RAPGEF5: variants seen among roughly 807,000 people sequenced by gnomAD.
RAPGEF5 encodes the protein Rap guanine nucleotide exchange factor 5.
In RAPGEF5, 65 loss-of-function variants were observed where a neutral mutation model predicts 125.2. The observed-to-expected ratio is 0.52, with a 90% confidence interval of 0.43 to 0.64. RAPGEF5 has a LOEUF of 0.64. RAPGEF5 is among the 30% of genes least tolerant of loss of function. The pLI is 0.00. For synonymous variants in RAPGEF5, 391 were observed against 385.9 expected, an observed-to-expected ratio of 1.01 and a Z score of -0.16; for missense variants, 958 against 1,048.1, an observed-to-expected ratio of 0.91 and a Z score of 1.19.
At chr7:22,293,860 C>T (rs548390086) in intron 5 of RAPGEF5, among the ~76,000 whole-genome samples, 20 of 152,280 alleles carry the variant, frequency 1.3e-4, no homozygotes, top group East Asian at 7.7e-4. Context: ...TCACTTTTTA[C>T]CTTAAACCTC....
intron 17 of RAPGEF5, among the ~76,000 whole-genome samples, chr7:22,152,949 T>C (rs1583418677): frequency 6.6e-6 from 1 of 152,236 alleles, no homozygotes; most frequent in Non-Finnish European, 1.5e-5. Flanking sequence ...AATGGGTCTA[T>C]AGACATTACA....
At chr7:22,258,902 A>T (rs76751200) in intron 7 of RAPGEF5, among the ~76,000 whole-genome samples, 3,578 of 152,286 alleles carry the variant, frequency 0.023, 155 homozygotes, top group African/African-American at 0.082. Context: ...ATGTGAAATT[A>T]TAAAACTCCT....
intron 6 of RAPGEF5, among the ~76,000 whole-genome samples, chr7:22,278,803 T>A (rs1355625545): frequency 6.6e-6 from 1 of 151,170 alleles, no homozygotes; most frequent in Non-Finnish European, 1.5e-5. Context: ...AAACACACAC[T>A]TCCATAGAAC....
At chr7:22,274,402 T>C (rs1053121990) in intron 6 of RAPGEF5, among the ~76,000 whole-genome samples, 1 of 152,138 alleles carries the variant, frequency 6.6e-6, no homozygotes, top group African/African-American at 2.4e-5. Flanking sequence ...CAATCATGGC[T>C]CACTGCAGCC....
In RAPGEF5 at chr7:22,261,126, C is replaced by T. The variant is rs567897172; in HGVS notation, c.796+5838G>A. Among the ~76,000 whole-genome samples, 36 of 152,142 alleles carry T rather than the reference C, an allele frequency of 2.4e-4. No individual in the cohort carries two copies. In the South Asian group the frequency reaches 6.7e-3, roughly 28 times the overall value. On this transcript the variant is annotated intron_variant, in intron 7 of 25. Coordinates refer to ENST00000665637, the MANE Select transcript of RAPGEF5 (RefSeq NM_012294.5). ...GTGAAAAACAAAACCTTAACGCTGT[C>T]CACAGCTAGCTATTCCACATTTAGT...
intron 11 of RAPGEF5, among the ~76,000 whole-genome samples, chr7:22,168,986 G>A (rs531245551): frequency 6.6e-6 from 1 of 152,280 alleles, no homozygotes; most frequent in East Asian, 1.9e-4. Context: ...TTTAAAACAT[G>A]TTTTTAAAAG....
At chr7:22,126,802 T>C (rs1782759700) in intron 24 of RAPGEF5, among the ~76,000 whole-genome samples, 1 of 151,656 alleles carries the variant, frequency 6.6e-6, no homozygotes, top group Admixed American at 6.6e-5. Context: ...TTTGTATTTT[T>C]AGTAGAGATG....
In RAPGEF5 at chr7:22,140,005, C is replaced by A; in HGVS notation, c.2277+20G>T. ...TATTTCCATTTTATGTGCCCCTCAC[C>A]ATGGGACTCCAAGGCTCACCTCCCA... On this transcript the variant is annotated intron_variant, in intron 21 of 25. Coordinates refer to ENST00000665637, the MANE Select transcript of RAPGEF5 (RefSeq NM_012294.5). 1 of 1,539,520 alleles carries A rather than the reference C, an allele frequency of 6.5e-7. No individual in the cohort carries two copies. The highest frequency in any genetic ancestry group is 1.2e-5 in the South Asian group (1 of 83,870).
At chr7:22,152,815 G>T (rs1375234372) in intron 17 of RAPGEF5, among the ~76,000 whole-genome samples, 1 of 152,102 alleles carries the variant, frequency 6.6e-6, no homozygotes, top group Middle Eastern at 3.2e-3. Context: ...TATTGTTTGG[G>T]GGATAAAAAG....
At chr7:22,235,661 C>T (rs1478059676) in intron 7 of RAPGEF5, among the ~76,000 whole-genome samples, 1 of 152,096 alleles carries the variant, frequency 6.6e-6, no homozygotes, top group African/African-American at 2.4e-5. Flanking sequence ...TGTTTCCAGG[C>T]CACAGGAGGC....
intron 7 of RAPGEF5, among the ~76,000 whole-genome samples, chr7:22,251,726 T>C (rs1786624770): frequency 1.5e-5 from 2 of 131,788 alleles, no homozygotes; most frequent in South Asian, 4.8e-4. Context: ...TGATATAGGA[T>C]GGGATTTCAT....
intron 9 of RAPGEF5, 128 bp from the exon 10 acceptor site, chr7:22,194,161 A>T: frequency 1.2e-6 from 1 of 804,556 alleles, no homozygotes. Flanking sequence ...CTCTTCAAAG[A>T]TTGAGAATAA....
chr7:22,355,901 A>C, intron 1 of RAPGEF5: 1 of 949,868 alleles, frequency 1.1e-6, no homozygotes, highest in African/African-American at 1.8e-5. Context: ...GCCAAACGGG[A>C]AAGAAAAACC....
At chr7:22,347,919 A>G (rs147154962) in intron 1 of RAPGEF5, among the ~76,000 whole-genome samples, 77 of 152,350 alleles carry the variant, frequency 5.1e-4, no homozygotes, top group East Asian at 1.5e-3. Context: ...AGCATTTGCT[A>G]TATTTGGAGG....
At chr7:22,272,236 G>A (rs1377716573) in intron 6 of RAPGEF5, among the ~76,000 whole-genome samples, 2 of 151,172 alleles carry the variant, frequency 1.3e-5, no homozygotes, top group African/African-American at 2.4e-5. Flanking sequence ...TCAGCTACTC[G>A]GGAGGCCTAG....
intron 1 of RAPGEF5, among the ~76,000 whole-genome samples, chr7:22,320,827 G>A (rs1025059589): frequency 6.6e-6 from 1 of 152,072 alleles, no homozygotes; most frequent in Non-Finnish European, 1.5e-5. Flanking sequence ...TTTGCCAGAA[G>A]GCATAGGATC....
At chr7:22,139,819 A>T in intron 21 of RAPGEF5, 1 of 477,992 alleles carries the variant, frequency 2.1e-6, no homozygotes, top group South Asian at 2.4e-5. Flanking sequence ...GGGAAGACTA[A>T]TTCTAGCTGG....
At chr7:22,309,884 G>C (rs118159113) in intron 4 of RAPGEF5, 85 bp downstream of exon 4, 55,988 of 1,399,330 alleles carry the variant, frequency 0.04, 1,291 homozygotes, top group Non-Finnish European at 0.045. Context: ...CATCCAGACT[G>C]TAACATCCTC....
At chr7:22,348,285 A>T (rs182005452) in intron 1 of RAPGEF5, among the ~76,000 whole-genome samples, 56 of 152,368 alleles carry the variant, frequency 3.7e-4, no homozygotes, top group African/African-American at 1.3e-3. Context: ...GTGCATTAAA[A>T]GGTAAACATA....
Sources: gnomAD v4.1 joint callset for allele counts (sites outside exome capture counted in the v4.1 genomes callset) on GRCh38, gnomAD v4.1.1 for gene constraint, MANE v1.5 for transcripts, NCBI Gene and HGNC (gene_info 2026-07-23, HGNC 2026-07-21) for gene names.